RICTOR: variants seen among roughly 807,000 people sequenced by gnomAD.
RICTOR encodes rapamycin-insensitive companion of mTOR.
RICTOR carries 49 observed loss-of-function variants against 214.9 expected under a neutral mutation model. The ratio of observed to expected loss-of-function variants is 0.23; its 90% CI spans 0.18 to 0.29. RICTOR has a LOEUF of 0.29. RICTOR is among the 10% of genes least tolerant of loss of function. The pLI is 1.00. For missense variants in RICTOR, 1,625 were observed against 2,047.0 expected (o/e 0.79, Z 3.98); for synonymous variants, 717 against 711.3 (o/e 1.01, Z -0.13).
Position 38,962,915 on chromosome 5 carries a change from A to T in RICTOR, c.1527T>A (p.Asp509Glu), listed in dbSNP as rs1467925258. 2 of 1,612,964 alleles carry T rather than the reference A, an allele frequency of 1.2e-6. No homozygotes were observed. Among genetic ancestry groups the T allele is most frequent in the East Asian group, 4.5e-5 (2 of 44,830 alleles). Residue 509 changes from aspartate to glutamate, a missense_variant, in exon 17 of 38, where the codon GAT (aspartate) becomes GAA (glutamate). Asp to Glu is a conservative substitution (Grantham distance 45). Transcript: ENST00000357387. Reference protein sequence around the residue: ...QKAIATHQKRDQYLRVQKDIF... With the variant: ...QKAIATHQKREQYLRVQKDIF... ...TATCTTTCTGAACTCGGAGATACTGATCCCGTTTCTGGTGTGTTGCAATTG... is the reference window on the plus strand; with the variant it reads ...TATCTTTCTGAACTCGGAGATACTGTTCCCGTTTCTGGTGTGTTGCAATTG...
intron 2 of RICTOR, among the ~76,000 whole-genome samples, chr5:39,069,725 T>C (rs563745244): frequency 6.6e-6 from 1 of 152,358 alleles, no homozygotes; most frequent in African/African-American, 2.4e-5. Flanking sequence ...TCCAGTCTTC[T>C]ATCATCCGTC....
chr5:38,970,729 C>T (rs561758075), intron 11 of RICTOR: 6 of 152,272 alleles, frequency 3.9e-5, no homozygotes, highest in Middle Eastern at 3.4e-3. Flanking sequence ...TCTTTTCCTT[C>T]AAATTCGATT....
chr5:38,964,205 T>A (rs545675887), intron 16 of RICTOR, among the ~76,000 whole-genome samples: 2 of 151,890 alleles, frequency 1.3e-5, no homozygotes, highest in Non-Finnish European at 1.5e-5. Context: ...AAGTTCCTTC[T>A]AGCACTTCCC....
intron 27 of RICTOR, among the ~76,000 whole-genome samples, chr5:38,954,326 G>A (rs1374094500): frequency 6.6e-6 from 1 of 151,920 alleles, no homozygotes; most frequent in African/African-American, 2.4e-5. Flanking sequence ...ATTCCATGAA[G>A]TACGCGAGAA....
intron 2 of RICTOR, among the ~76,000 whole-genome samples, chr5:39,039,256 T>C (rs1417722996): frequency 6.6e-6 from 1 of 152,140 alleles, no homozygotes; most frequent in Non-Finnish European, 1.5e-5. Flanking sequence ...GAAAACTGGC[T>C]AGCCATATGT....
intron 2 of RICTOR, among the ~76,000 whole-genome samples, chr5:39,066,210 T>C (rs1758894193): frequency 6.6e-6 from 1 of 152,234 alleles, no homozygotes. Context: ...ATAATACATG[T>C]AAGCCATCAA....
In RICTOR at chr5:38,962,513, T is replaced by A. The variant is rs1389088769; in HGVS notation, c.1640A>T (p.Asn547Ile). 3.8e-6 allele frequency: 6 copies of A among 1,579,084 alleles called. No individual in the cohort carries two copies. The highest frequency in any genetic ancestry group is 1.4e-5 in the African/African-American group (1 of 74,036). The change falls in exon 18 of 38, where the codon AAT (asparagine) becomes ATT (isoleucine). Residue 547 changes from asparagine to isoleucine, a missense_variant. This residue lies in a region of RICTOR where 1,214 missense variants were observed against 1,470.5 expected (regional missense o/e 0.83). Coordinates refer to ENST00000357387, the MANE Select transcript of RICTOR (RefSeq NM_152756.5). ...VLQHKENLEW[N>I]WNLIGTILKW... is the part of the protein sequence containing the mutation. The stretch of plus-strand genomic sequence containing the variant: ...AAGAATGGTCCCTATAAGATTCCAA[T>A]TCCATTCAAGATTCTCTTTATGTTG...
intron 11 of RICTOR, 45 bp downstream of exon 11, chr5:38,971,832 T>G: frequency 1.3e-6 from 1 of 796,812 alleles, no homozygotes; most frequent in Non-Finnish European, 2.2e-6. Context: ...TAATTCCCAC[T>G]GTTAAAGGTC....
chr5:38,944,764 A>G (rs1440132400), intron 35 of RICTOR, 149 bp downstream of exon 35: 1 of 853,816 alleles, frequency 1.2e-6, no homozygotes, highest in Non-Finnish European at 1.9e-6. Context: ...TATAGGTGCA[A>G]TAATTAACAG....
intron 2 of RICTOR, among the ~76,000 whole-genome samples, chr5:39,048,706 T>C (rs1757653788): frequency 6.6e-6 from 1 of 152,224 alleles, no homozygotes; most frequent in African/African-American, 2.4e-5. Context: ...TAATGAGTTC[T>C]AGTGAATCAC....
At chr5:39,047,088 T>G (rs142304894) in intron 2 of RICTOR, among the ~76,000 whole-genome samples, 2 of 152,198 alleles carry the variant, frequency 1.3e-5, no homozygotes, top group African/African-American at 4.8e-5. Flanking sequence ...AAAATTTCCA[T>G]CTTCAAATAA....
At chr5:38,959,158 GT>G in intron 22 of RICTOR, 36 bp downstream of exon 22, 1 of 1,462,304 alleles carries the variant, frequency 6.8e-7, no homozygotes, top group Non-Finnish European at 9.2e-7. Context: ...GAATTAATTG[GT>G]TATAAATATA....
At chr5:38,942,758 A>C in intron 37 of RICTOR, 75 bp downstream of exon 37, 4 of 1,230,348 alleles carry the variant, frequency 3.3e-6, no homozygotes, top group Non-Finnish European at 4.7e-6. Flanking sequence ...ACCCAGCTAT[A>C]ATCTGTATTT....
intron 15 of RICTOR, 22 bp downstream of exon 15, chr5:38,966,616 TATA>T (rs770955960): frequency 9.1e-7 from 1 of 1,102,602 alleles, no homozygotes; most frequent in Non-Finnish European, 1.4e-6. Context: ...GTATGAAACA[TATA>T]ATCAGAAGTT....
At chr5:38,966,753 C>A (rs2150031208) in intron 14 of RICTOR, 32 bp from the exon 15 acceptor site, 1 of 1,109,832 alleles carries the variant, frequency 9.0e-7, no homozygotes, top group East Asian at 2.4e-5. Context: ...ACCACTGTTG[C>A]AAAATAATAC....
chr5:38,985,336 G>T (rs1328688242), intron 7 of RICTOR, among the ~76,000 whole-genome samples: 1 of 151,966 alleles, frequency 6.6e-6, no homozygotes, highest in Non-Finnish European at 1.5e-5. Context: ...CTATGTAAAT[G>T]GTTATACTGT....
intron 2 of RICTOR, among the ~76,000 whole-genome samples, chr5:39,037,565 C>T (rs534098070): frequency 4.6e-5 from 7 of 151,614 alleles, no homozygotes; most frequent in South Asian, 2.1e-4. Context: ...ATTGATAGAA[C>T]GCTAGCAAGA....
chr5:38,982,051 C>T lies in RICTOR; in HGVS notation c.584-15G>A, dbSNP rs1751753692. ...ATTCTGAAGTGCTAAAAGAGAAAAA[C>T]TTAACATATTATATTTGGGGTAATT... On this transcript the variant is annotated splice_polypyrimidine_tract_variant and intron_variant, in intron 7 of 37. Coordinates refer to ENST00000357387, the MANE Select transcript of RICTOR (RefSeq NM_152756.5). 6.3e-7 allele frequency: 1 copy of T among 1,577,846 alleles called. No individual in the cohort carries two copies. The highest frequency in any genetic ancestry group is 1.1e-5 in the South Asian group (1 of 88,274).
chr5:38,983,971 AAAAAC>A (rs769537834), intron 7 of RICTOR, among the ~76,000 whole-genome samples: 10 of 152,178 alleles, frequency 6.6e-5, no homozygotes, highest in African/African-American at 1.2e-4. Context: ...TCTCAAAAAC[AAAAAC>A]AAAACAAAAC....
Sources: allele counts gnomAD v4.1 joint callset (sites outside exome capture counted in the v4.1 genomes callset), GRCh38; gene constraint gnomAD v4.1.1; regional missense constraint gnomAD v4.1.1; transcripts MANE v1.5; gene names NCBI Gene and HGNC (gene_info 2026-07-23, HGNC 2026-07-21).